SCLT1: variants seen among roughly 807,000 people sequenced by gnomAD.
SCLT1 encodes the protein sodium channel and clathrin linker 1.
A neutral mutation model predicts 112.8 loss-of-function variants in SCLT1; 78 were observed. The observed-to-expected ratio is 0.69, with a 90% CI of 0.58 to 0.83. The LOEUF is 0.83. Ranked by LOEUF, SCLT1 falls within the 40% of genes least tolerant of loss-of-function variation. The pLI is 0.00. For missense variants in SCLT1, 747 were observed against 770.4 expected, an observed-to-expected ratio of 0.97 and a Z score of 0.36; for synonymous variants, 257 against 254.7, an observed-to-expected ratio of 1.01 and a Z score of -0.09.
chr4:128,960,926 CAAAAAAAAA>C (rs34599122), intron 11 of SCLT1, among the ~76,000 whole-genome samples: 1 of 52,494 alleles, frequency 1.9e-5, no homozygotes, highest in South Asian at 1.2e-3. Context: ...GACTCCGTCT[CAAAAAAAAA>C]AAAAAAAAAA....
At chr4:129,027,428 CAT>C (rs1746216619) in intron 5 of SCLT1, among the ~76,000 whole-genome samples, 1 of 151,958 alleles carries the variant, frequency 6.6e-6, no homozygotes, top group Admixed American at 6.6e-5. Flanking sequence ...ACAAAAACCA[CAT>C]GATTATGTCA....
intron 2 of SCLT1, among the ~76,000 whole-genome samples, chr4:129,047,525 C>T (rs1057104944): frequency 7.9e-5 from 12 of 151,876 alleles, no homozygotes; most frequent in Non-Finnish European, 2.9e-5. Context: ...ATTTTGAAAA[C>T]AAAATAGTTC....
chr4:128,961,841 G>T (rs190791349), intron 11 of SCLT1, among the ~76,000 whole-genome samples: 1 of 152,212 alleles, frequency 6.6e-6, no homozygotes, highest in Non-Finnish European at 1.5e-5. Flanking sequence ...TCATATGAGG[G>T]CAGAGTTATG....
chr4:129,008,788 C>G (rs1040800539), intron 5 of SCLT1, among the ~76,000 whole-genome samples: 8 of 151,846 alleles, frequency 5.3e-5, no homozygotes, highest in African/African-American at 9.7e-5. Context: ...ACTCATTATT[C>G]TTTTTCCTGA....
intron 9 of SCLT1, among the ~76,000 whole-genome samples, chr4:128,991,249 G>C (rs1375112203): frequency 6.6e-6 from 1 of 151,730 alleles, no homozygotes; most frequent in Non-Finnish European, 1.5e-5. Flanking sequence ...ACTGAACAGA[G>C]AACCCAGAAA....
At chr4:129,083,797 C>T (rs1752166263) in intron 1 of SCLT1, among the ~76,000 whole-genome samples, 1 of 152,064 alleles carries the variant, frequency 6.6e-6, no homozygotes, top group Admixed American at 6.6e-5. Context: ...ATTGCATATA[C>T]TAGAGAAAAA....
At chr4:128,897,125 C>T (rs1490486677) in intron 18 of SCLT1, among the ~76,000 whole-genome samples, 1 of 152,046 alleles carries the variant, frequency 6.6e-6, no homozygotes, top group African/African-American at 2.4e-5. Context: ...GAGAACTTCC[C>T]CAATCTAGCA....
At chr4:128,896,992 C>T (rs370076873) in intron 18 of SCLT1, among the ~76,000 whole-genome samples, 15 of 152,076 alleles carry the variant, frequency 9.9e-5, no homozygotes, top group East Asian at 3.8e-4. Context: ...TAAAAAGAAA[C>T]GAACAAAGCC....
chr4:128,959,583 T>C lies in SCLT1; in HGVS notation c.1047+17A>G. 6.3e-7 allele frequency: 1 copy of C among 1,593,878 alleles called. No homozygotes were observed. The highest frequency in any genetic ancestry group is 8.6e-7 in the Non-Finnish European group (1 of 1,163,250). On this transcript the variant is annotated intron_variant, in intron 12 of 20. Coordinates refer to ENST00000281142, the MANE Select transcript of SCLT1 (RefSeq NM_144643.4). ...CAACATTTTATTATATCTAAACATATTTACTAGCTTTCTTACCTGACTTTT... is the reference window on the plus strand; with the variant it reads ...CAACATTTTATTATATCTAAACATACTTACTAGCTTTCTTACCTGACTTTT...
At chr4:128,957,148 T>C (rs1739287875) in intron 12 of SCLT1, 24 bp from the exon 13 acceptor site, 1 of 1,349,632 alleles carries the variant, frequency 7.4e-7, no homozygotes, top group Admixed American at 1.9e-5. Flanking sequence ...TCATTTCATG[T>C]TATAGATAAC....
In SCLT1 at chr4:128,946,170, T is replaced by A; in HGVS notation, c.1294-18A>T. 6.4e-7 allele frequency: 1 copy of A among 1,558,730 alleles called. No homozygotes were observed. Among genetic ancestry groups the A allele is most frequent in the Non-Finnish European group, 8.8e-7 (1 of 1,132,544 alleles). On this transcript the variant is annotated intron_variant, in intron 15 of 20. Transcript: ENST00000281142. ...CGGTAAATCTGCAGAAAAGGCTTAT[T>A]AGGTATATAATATTACAGAAGAAAC... is the stretch of plus-strand genomic sequence containing the variant.
At chr4:128,931,951 T>C (rs926043633) in intron 18 of SCLT1, among the ~76,000 whole-genome samples, 2 of 146,502 alleles carry the variant, frequency 1.4e-5, no homozygotes, top group African/African-American at 4.9e-5. Flanking sequence ...TCTATCCCTT[T>C]TTTTTTTTTT....
At chr4:128,913,943 A>C (rs1438701389) in intron 18 of SCLT1, among the ~76,000 whole-genome samples, 1 of 152,174 alleles carries the variant, frequency 6.6e-6, no homozygotes, top group Admixed American at 6.5e-5. Context: ...ATAACAGCAA[A>C]GCAGGTATCA....
chr4:128,939,728 T>C (rs1290285633), intron 17 of SCLT1, among the ~76,000 whole-genome samples: 1 of 152,144 alleles, frequency 6.6e-6, no homozygotes, highest in Non-Finnish European at 1.5e-5. Flanking sequence ...TGCAGTGGCA[T>C]TAAGATCAAA....
intron 5 of SCLT1, among the ~76,000 whole-genome samples, chr4:129,008,698 T>G (rs749629289): frequency 8.5e-5 from 13 of 152,210 alleles, no homozygotes; most frequent in Non-Finnish European, 1.9e-4. Context: ...GGGGTACATG[T>G]ACAGGTTTGT....
intron 18 of SCLT1, among the ~76,000 whole-genome samples, chr4:128,924,192 AT>A (rs557643989): frequency 6.6e-6 from 1 of 151,922 alleles, no homozygotes; most frequent in South Asian, 2.1e-4. Flanking sequence ...ACTAATTGCA[AT>A]TTTTTTCTCA....
intron 1 of SCLT1, among the ~76,000 whole-genome samples, chr4:129,085,777 A>G (rs1055283595): frequency 6.6e-6 from 1 of 152,176 alleles, no homozygotes; most frequent in African/African-American, 2.4e-5. Flanking sequence ...AAAACCAAGT[A>G]CGGCATGTTC....
intron 1 of SCLT1, 139 bp downstream of exon 1, chr4:129,092,931 G>GT (rs372069914): frequency 0.012 from 6,847 of 575,494 alleles, 6 homozygotes; most frequent in African/African-American, 0.019. Context: ...TAACATCAAG[G>GT]TTTTTTTTTT....
In SCLT1 at chr4:128,884,525, T is replaced by C. The variant is rs777555492; in HGVS notation, c.2019A>G (p.Thr673=). ...GGGAGGCTGCTTTTCTTCTCTGCACTGTAATCACACTGAGCTGCAATTAAA... is the reference window on the plus strand; with the variant it reads ...GGGAGGCTGCTTTTCTTCTCTGCACCGTAATCACACTGAGCTGCAATTAAA... The part of the protein sequence containing the change: ...ASASQQLSVI[T]VQRRKAASLM... Residue 673 remains threonine, a synonymous_variant, in exon 21 of 21, where the codon ACA becomes ACG. Coordinates refer to ENST00000281142, the MANE Select transcript of SCLT1 (RefSeq NM_144643.4). 8.1e-6 allele frequency: 13 copies of C among 1,601,196 alleles called. No homozygotes were observed. The highest frequency in any genetic ancestry group is 1.1e-5 in the Non-Finnish European group (13 of 1,169,102).
Sources: allele counts gnomAD v4.1 joint callset (sites outside exome capture counted in the v4.1 genomes callset), GRCh38; gene constraint gnomAD v4.1.1; transcripts MANE v1.5; gene names NCBI Gene and HGNC (gene_info 2026-07-23, HGNC 2026-07-21).